RAB15: variants seen among roughly 807,000 people sequenced by gnomAD.
RAB15 encodes the protein RAB15, member RAS oncogene family.
In RAB15, 13 loss-of-function variants were observed where a neutral mutation model predicts 31.8. The observed-to-expected ratio is 0.41, with a 90% CI of 0.27 to 0.65. The LOEUF (loss-of-function observed/expected upper bound fraction) is 0.65. Among genes scored for constraint, RAB15 ranks in the 30% least tolerant of loss-of-function variants. The probability of loss-of-function intolerance (pLI) is 0.32; values close to 1 mark genes in which losing one functional copy is unlikely to be tolerated. For synonymous variants in RAB15, 100 were observed against 105.6 expected, an observed-to-expected ratio of 0.95 and a Z score of 0.33; for missense variants, 220 against 277.3, an observed-to-expected ratio of 0.79 and a Z score of 1.47.
rs958565075 is a variant in RAB15 at position 64,954,465 on chromosome 14, G to A, written c.125-1894C>T. The A allele has an allele frequency of 5.1e-6, 5 of 985,332 alleles. No individual in the cohort carries two copies. Among genetic ancestry groups the A allele is most frequent in the East Asian group, 2.3e-4 (2 of 8,834 alleles). The allele number at this position is 985,332 out of a possible 1,614,324, so 61.0% of individuals were successfully genotyped here. A position where few individuals can be genotyped will look rare whatever the true frequency, so the allele number is the denominator to read the frequency against. Reference sequence around the variant, plus strand: ...CCTGGTTTATCCTCACACTAGCCTAGCAAACCTGGCCAAGGACAGTGCCTT... The same window carrying A: ...CCTGGTTTATCCTCACACTAGCCTAACAAACCTGGCCAAGGACAGTGCCTT... On this transcript the variant is annotated intron_variant, in intron 1 of 6. Transcript: ENST00000533601. This position sits in a 1 kb window ranked among gnomAD's most constrained non-coding sequence, Gnocchi z 4.3.
At chr14:64,966,326 GAC>G (rs1398300611) in intron 1 of RAB15, among the ~76,000 whole-genome samples, 1 of 152,090 alleles carries the variant, frequency 6.6e-6, no homozygotes, top group Admixed American at 6.6e-5. Context: ...CTAGCTCACT[GAC>G]AGTGTATTCA....
rs1306954141 is a variant in RAB15, at chr14:64,962,531, A to G, written c.124+9422T>C. The stretch of plus-strand genomic sequence containing the variant: ...ATAAGAAGCAACTGCGGGATAAAGT[A>G]GAGAGTGAGGAGACCCCAAGCACAA... On this transcript the variant is annotated intron_variant, in intron 1 of 6. Coordinates refer to ENST00000533601, the MANE Select transcript of RAB15 (RefSeq NM_001308154.2). The surrounding 1 kb of genome is among the most constrained non-coding windows in gnomAD (Gnocchi z 4.2). Among the ~76,000 whole-genome samples the G allele has an allele frequency of 6.6e-6, 1 of 152,236 alleles. No homozygotes were observed. The highest frequency in any genetic ancestry group is 1.5e-5 in the Non-Finnish European group (1 of 68,046).
At position 64,950,883 on chromosome 14, in the gene RAB15, TG is replaced by T. The variant is rs1886209265; in HGVS notation, c.324+190del. On this transcript the variant is annotated intron_variant, in intron 4 of 6. Transcript: ENST00000533601. This position sits in a 1 kb window ranked among gnomAD's most constrained non-coding sequence, Gnocchi z 5.6. ...CGGGAAAGACACAGCCGTGGAGGCCTGGCAGGGTATAGAGAGTGAGGGCATG... is the reference window on the plus strand; with the variant it reads ...CGGGAAAGACACAGCCGTGGAGGCCTGCAGGGTATAGAGAGTGAGGGCATG... 10 of 1,134,846 alleles carry T rather than the reference TG, an allele frequency of 8.8e-6. No homozygotes were observed. Among genetic ancestry groups the T allele is most frequent in the Non-Finnish European group, 2.6e-6 (2 of 774,630 alleles). 70.3% of individuals were successfully genotyped at this position (1,134,846 alleles called of 1,614,324 possible). A position where few individuals can be genotyped will look rare whatever the true frequency, so the allele number is the denominator to read the frequency against.
rs1887367909 is a variant in RAB15 at position 64,970,577 on chromosome 14, G to A, written c.124+1376C>T. Reference sequence around the variant, plus strand: ...AGAGAGGAGACCCTAAAAGCTCAATGATAATGGCAATAGCAGTAAGAACAA... The same window carrying A: ...AGAGAGGAGACCCTAAAAGCTCAATAATAATGGCAATAGCAGTAAGAACAA... On this transcript the variant is annotated intron_variant, in intron 1 of 6. Transcript: ENST00000533601. The surrounding 1 kb of genome is among the most constrained non-coding windows in gnomAD (Gnocchi z 4.1). Among the ~76,000 whole-genome samples, 1 of 152,214 alleles carries A rather than the reference G, an allele frequency of 6.6e-6. No homozygotes were observed. The highest frequency in any genetic ancestry group is 1.5e-5 in the Non-Finnish European group (1 of 68,044).
chr14:64,969,484 T>C (rs1887315423), intron 1 of RAB15, among the ~76,000 whole-genome samples: 1 of 152,204 alleles, frequency 6.6e-6, no homozygotes, highest in African/African-American at 2.4e-5. Flanking sequence ...GCATTTAAGA[T>C]ACCCAGTGGG....
chr14:64,963,893 C>T (rs1395729562), intron 1 of RAB15, among the ~76,000 whole-genome samples: 2 of 152,222 alleles, frequency 1.3e-5, no homozygotes, highest in Non-Finnish European at 2.9e-5. Context: ...GTCACTTCCT[C>T]TTCAAAGCCT....
In RAB15 at chr14:64,955,829, G is replaced by A. The variant is rs745888430; in HGVS notation, c.125-3258C>T. On this transcript the variant is annotated intron_variant, in intron 1 of 6. Transcript: ENST00000533601. The surrounding 1 kb of genome is among the most constrained non-coding windows in gnomAD (Gnocchi z 4.4). Reference sequence around the variant, plus strand: ...CCTTTTTGTTGCATCTTTAGTATCCGTGAGAAGAAGAGATATTCTCCATCT... The same window carrying A: ...CCTTTTTGTTGCATCTTTAGTATCCATGAGAAGAAGAGATATTCTCCATCT... Among the ~76,000 whole-genome samples the A allele has an allele frequency of 5.3e-5, 8 of 152,194 alleles. No homozygotes were observed. Among genetic ancestry groups the A allele is most frequent in the Non-Finnish European group, 1.0e-4 (7 of 68,046 alleles).
In RAB15 at chr14:64,947,287, T is replaced by C; in HGVS notation, c.*1067A>G. 1 of 152,754 alleles carries C rather than the reference T, an allele frequency of 6.5e-6. No individual in the cohort carries two copies. Among genetic ancestry groups the C allele is most frequent in the Non-Finnish European group, 1.5e-5 (1 of 68,090 alleles). The allele number at this position is 152,754 out of a possible 1,614,324, so 9.5% of individuals were successfully genotyped here. A position where few individuals can be genotyped will look rare whatever the true frequency, so the allele number is the denominator to read the frequency against. ...GTGCAAACTGCTGTCCCTGGCCAGC[T>C]CTCCCTTGCTCTTAACCTGATACAT... is the stretch of plus-strand genomic sequence containing the variant. On this transcript the variant is annotated 3_prime_UTR_variant, in exon 7 of 7. Coordinates refer to ENST00000533601, the MANE Select transcript of RAB15 (RefSeq NM_001308154.2). The surrounding 1 kb of genome is among the most constrained non-coding windows in gnomAD (Gnocchi z 5.6).
At position 64,970,570 on chromosome 14, in the gene RAB15, G is replaced by C. The variant is rs1887367411; in HGVS notation, c.124+1383C>G. ...GAAACAAAGAGAGGAGACCCTAAAA[G>C]CTCAATGATAATGGCAATAGCAGTA... On this transcript the variant is annotated intron_variant, in intron 1 of 6. Coordinates refer to ENST00000533601, the MANE Select transcript of RAB15 (RefSeq NM_001308154.2). The surrounding 1 kb of genome is among the most constrained non-coding windows in gnomAD (Gnocchi z 4.1). Among the ~76,000 whole-genome samples the C allele has an allele frequency of 6.6e-6, 1 of 152,288 alleles. No homozygotes were observed. Among genetic ancestry groups the C allele is most frequent in the South Asian group, 2.1e-4 (1 of 4,828 alleles).
chr14:64,958,116 TG>T lies in RAB15; in HGVS notation c.125-5546del, dbSNP rs1216755997. Reference sequence around the variant, plus strand: ...GTGCCACCACACCCAGCTAATTTTTTGTATTTTTAGTAGAGACGGGGTTTCA... The same window carrying T: ...GTGCCACCACACCCAGCTAATTTTTTTATTTTTAGTAGAGACGGGGTTTCA... On this transcript the variant is annotated intron_variant, in intron 1 of 6. Coordinates refer to ENST00000533601, the MANE Select transcript of RAB15 (RefSeq NM_001308154.2). The surrounding 1 kb of genome is among the most constrained non-coding windows in gnomAD (Gnocchi z 4.4). The T allele has an allele frequency of 6.6e-6, 1 of 152,310 alleles. No homozygotes were observed. Among genetic ancestry groups the T allele is most frequent in the African/African-American group, 2.4e-5 (1 of 41,446 alleles). 9.4% of individuals were successfully genotyped at this position (152,310 alleles called of 1,614,324 possible).
intron 5 of RAB15, among the ~76,000 whole-genome samples, chr14:64,949,747 A>AG (rs1886138698): frequency 6.6e-6 from 1 of 151,242 alleles, no homozygotes; most frequent in East Asian, 1.9e-4. Flanking sequence ...AAAGAAAGAA[A>AG]GAAAAAAAAA....
At position 64,952,541 on chromosome 14, in the gene RAB15, A is replaced by G. The variant is rs1388708860; in HGVS notation, c.155T>C (p.Val52Ala). The change falls in exon 2 of 7, where the codon GTA becomes GCA. Residue 52 changes from valine (V) to alanine (A), a missense_variant. Val to Ala is a moderately conservative substitution (Grantham distance 64). Transcript: ENST00000533601. The surrounding 1 kb of genome is among the most constrained non-coding windows in gnomAD (Gnocchi z 4.2). ...GVDFKMKTIE[V>A]DGIKVRIQIW... ...CTGTATCCGCACTTTGATGCCGTCT[A>G]CCTCTATGGTCTTCATCTTAAAGTC... 9.9e-6 allele frequency: 16 copies of G among 1,612,584 alleles called. No homozygotes were observed. Among genetic ancestry groups the G allele is most frequent in the Admixed American group, 6.7e-5 (4 of 59,962 alleles).
In RAB15 at chr14:64,950,824, T is replaced by C. The variant is rs1184651341; in HGVS notation, c.324+250A>G. ...GGTCCCAAGATTTCAGGAAAGAAGC[T>C]GCTCACAGGGAAGACTTGGAACTAA... On this transcript the variant is annotated intron_variant, in intron 4 of 6. Transcript: ENST00000533601. The surrounding 1 kb of genome is among the most constrained non-coding windows in gnomAD (Gnocchi z 5.6). 11 of 726,750 alleles carry C rather than the reference T, an allele frequency of 1.5e-5. No individual in the cohort carries two copies. The highest frequency in any genetic ancestry group is 2.6e-5 in the Non-Finnish European group (11 of 427,202). 45.0% of individuals were successfully genotyped at this position (726,750 alleles called of 1,614,324 possible). A position where few individuals can be genotyped will look rare whatever the true frequency, so the allele number is the denominator to read the frequency against.
Position 64,954,203 on chromosome 14 carries a change from G to A in RAB15, c.125-1632C>T. The A allele has an allele frequency of 1.0e-6, 1 of 985,386 alleles. No individual in the cohort carries two copies. The highest frequency in any genetic ancestry group is 1.2e-6 in the Non-Finnish European group (1 of 829,916). 61.0% of individuals were successfully genotyped at this position (985,386 alleles called of 1,614,324 possible). ...TACTTTTCCAAATGGGCAATGCCTG[G>A]CAGCCATTCTTCCATGTGTGCAGAG... On this transcript the variant is annotated intron_variant, in intron 1 of 6. Coordinates refer to ENST00000533601, the MANE Select transcript of RAB15 (RefSeq NM_001308154.2). The surrounding 1 kb of genome is among the most constrained non-coding windows in gnomAD (Gnocchi z 4.3).
chr14:64,951,354 T>C lies in RAB15; in HGVS notation c.247-203A>G, dbSNP rs1057225423. Among the ~76,000 whole-genome samples the C allele has an allele frequency of 4.6e-5, 7 of 152,114 alleles. No individual in the cohort carries two copies. Among genetic ancestry groups the C allele is most frequent in the African/African-American group, 1.7e-4 (7 of 41,432 alleles). Reference sequence around the variant, plus strand: ...CTCTCTACAGCAGGAAGACACCACATGCTTTGACCTGGATCTTTGACCCAG... The same window carrying C: ...CTCTCTACAGCAGGAAGACACCACACGCTTTGACCTGGATCTTTGACCCAG... On this transcript the variant is annotated intron_variant, in intron 3 of 6. Transcript: ENST00000533601. The surrounding 1 kb of genome is among the most constrained non-coding windows in gnomAD (Gnocchi z 7.2).
chr14:64,950,427 G>A lies in RAB15; in HGVS notation c.325-13C>T, dbSNP rs1451926884. 4 of 1,609,504 alleles carry A rather than the reference G, an allele frequency of 2.5e-6. No individual in the cohort carries two copies. The highest frequency in any genetic ancestry group is 3.4e-6 in the Non-Finnish European group (4 of 1,176,182). ...CTTCTGGTGCGTACTAGGGACAAAG[G>A]ATGGGCAGAACAGCCAGTGAGTGCT... is the stretch of plus-strand genomic sequence containing the variant. On this transcript the variant is annotated splice_polypyrimidine_tract_variant and intron_variant, in intron 4 of 6. Coordinates refer to ENST00000533601, the MANE Select transcript of RAB15 (RefSeq NM_001308154.2). The surrounding 1 kb of genome is among the most constrained non-coding windows in gnomAD (Gnocchi z 5.6).
At position 64,954,208 on chromosome 14, in the gene RAB15, C is replaced by T; in HGVS notation, c.125-1637G>A. On this transcript the variant is annotated intron_variant, in intron 1 of 6. Transcript: ENST00000533601. The surrounding 1 kb of genome is among the most constrained non-coding windows in gnomAD (Gnocchi z 4.3). ...TTCCAAATGGGCAATGCCTGGCAGC[C>T]ATTCTTCCATGTGTGCAGAGAAAGA... 1 of 985,404 alleles carries T rather than the reference C, an allele frequency of 1.0e-6. No homozygotes were observed. The highest frequency in any genetic ancestry group is 1.2e-6 in the Non-Finnish European group (1 of 829,934). 61.0% of individuals were successfully genotyped at this position (985,404 alleles called of 1,614,324 possible). A position where few individuals can be genotyped will look rare whatever the true frequency, so the allele number is the denominator to read the frequency against.
intron 1 of RAB15, among the ~76,000 whole-genome samples, chr14:64,964,948 ATT>A (rs142570659): frequency 7.4e-6 from 1 of 135,494 alleles, no homozygotes; most frequent in Non-Finnish European, 1.6e-5. Flanking sequence ...GTTCTCAGTA[ATT>A]TTTTTTTTTT....
chr14:64,952,660 C>T lies in RAB15; in HGVS notation c.125-89G>A, dbSNP rs1032095573. 33 of 950,536 alleles carry T rather than the reference C, an allele frequency of 3.5e-5. No homozygotes were observed. In the African/African-American group the frequency reaches 4.8e-4, roughly 14 times the overall value. 58.9% of individuals were successfully genotyped at this position (950,536 alleles called of 1,614,324 possible). The stretch of plus-strand genomic sequence containing the variant: ...CCAGGCAATCACACTTGAAAGGTTT[C>T]CTTTCAGTTTAATTTGGCAAAGGGA... On this transcript the variant is annotated intron_variant, in intron 1 of 6. Transcript: ENST00000533601. The surrounding 1 kb of genome is among the most constrained non-coding windows in gnomAD (Gnocchi z 4.2).
Sources: gnomAD v4.1 joint callset for allele counts (sites outside exome capture counted in the v4.1 genomes callset) on GRCh38, gnomAD v4.1.1 for gene constraint, Gnocchi (gnomAD v3.1) non-coding constraint, MANE v1.5 for transcripts, NCBI Gene and HGNC (gene_info 2026-07-23, HGNC 2026-07-21) for gene names.